PEX14: variants seen among roughly 807,000 people sequenced by gnomAD.
The protein encoded by PEX14 is peroxisomal biogenesis factor 14, also known as peroxisomal membrane protein PEX14.
In PEX14, 15 loss-of-function variants were observed where a neutral mutation model predicts 49.5. That is an observed-to-expected ratio of 0.30 (90% CI 0.20 to 0.47). PEX14 has a LOEUF of 0.47. Among genes scored for constraint, PEX14 ranks in the 20% least tolerant of loss-of-function variants. PEX14 has a pLI of 1.00. For synonymous variants in PEX14, 210 were observed against 212.7 expected (o/e 0.99, Z 0.11); for missense variants, 398 against 494.8 (o/e 0.80, Z 1.86).
At chr1:10,475,430 C>G (rs1409281331) in intron 1 of PEX14, among the ~76,000 whole-genome samples, 2 of 152,218 alleles carry the variant, frequency 1.3e-5, no homozygotes, top group South Asian at 2.1e-4. Context: ...CGGCCTCAGC[C>G]TCCTGGAGCG....
intron 2 of PEX14, among the ~76,000 whole-genome samples, chr1:10,502,209 A>G (rs1641694166): frequency 6.6e-6 from 1 of 152,184 alleles, no homozygotes; most frequent in Non-Finnish European, 1.5e-5. Flanking sequence ...ATCAGTGAAG[A>G]AAACGTTTTT....
intron 3 of PEX14, among the ~76,000 whole-genome samples, chr1:10,598,212 C>T (rs1640882140): frequency 6.6e-6 from 1 of 152,180 alleles, no homozygotes; most frequent in African/African-American, 2.4e-5. Flanking sequence ...TAACAGTGAC[C>T]TCCCACCTGC....
rs140289409 is a variant in PEX14 at position 10,500,723 on chromosome 1, C to T, written c.84+5402C>T. On this transcript the variant is annotated intron_variant, in intron 2 of 8. Transcript: ENST00000356607. ...CTGAGTATCTGGGACTATAGGCGTG[C>T]ACCACCACGGCCAGCTAATTTTTGT... Among the ~76,000 whole-genome samples, 1,175 of 152,230 alleles carry T rather than the reference C, an allele frequency of 7.7e-3. 15 individuals are homozygous for T. The highest frequency in any genetic ancestry group is 0.027 in the African/African-American group (1,118 of 41,532).
Position 10,495,930 on chromosome 1 carries a change from C to G in PEX14, c.84+609C>G, listed in dbSNP as rs1379030837. Among the ~76,000 whole-genome samples, 6 of 152,182 alleles carry G rather than the reference C, an allele frequency of 3.9e-5. No individual in the cohort carries two copies. Among genetic ancestry groups the G allele is most frequent in the Non-Finnish European group, 8.8e-5 (6 of 68,040 alleles). ...CTTTTCAGGGCCTGCTGTAAGTCCT[C>G]TTGGCTGGGTAGTAAGACTGGCTCT... is the stretch of plus-strand genomic sequence containing the variant. On this transcript the variant is annotated intron_variant, in intron 2 of 8. Coordinates refer to ENST00000356607, the MANE Select transcript of PEX14 (RefSeq NM_004565.3). This position sits in a 1 kb window ranked among gnomAD's most constrained non-coding sequence, Gnocchi z 4.2.
intron 3 of PEX14, among the ~76,000 whole-genome samples, chr1:10,569,469 C>T (rs1438280941): frequency 6.6e-6 from 1 of 152,216 alleles, no homozygotes; most frequent in Non-Finnish European, 1.5e-5. Context: ...CTGGACTGCG[C>T]TCTCTAGACC....
chr1:10,480,560 A>AT (rs920632960), intron 1 of PEX14, among the ~76,000 whole-genome samples: 10 of 151,356 alleles, frequency 6.6e-5, no homozygotes, highest in African/African-American at 2.4e-4. Context: ...TGCCCAGCTA[A>AT]TTTTTTTGTA....
At chr1:10,521,218 T>C (rs995386445) in intron 2 of PEX14, among the ~76,000 whole-genome samples, 1 of 152,084 alleles carries the variant, frequency 6.6e-6, no homozygotes, top group African/African-American at 2.4e-5. Context: ...CTCCCTTTTA[T>C]ACTTTCTCCC....
intron 7 of PEX14, among the ~76,000 whole-genome samples, chr1:10,625,717 G>C (rs1641725877): frequency 6.6e-6 from 1 of 152,216 alleles, no homozygotes; most frequent in South Asian, 2.1e-4. Flanking sequence ...TCATCTTTTG[G>C]ATCCATGCTC....
At chr1:10,588,464 C>G (rs909712355) in intron 3 of PEX14, among the ~76,000 whole-genome samples, 5 of 152,200 alleles carry the variant, frequency 3.3e-5, no homozygotes, top group African/African-American at 4.8e-5. Context: ...ATCCATAGTT[C>G]TGCCTCTTAT....
At chr1:10,586,350 C>G (rs1640486081) in intron 3 of PEX14, among the ~76,000 whole-genome samples, 1 of 152,194 alleles carries the variant, frequency 6.6e-6, no homozygotes, top group Non-Finnish European at 1.5e-5. Context: ...TAGAGCTCTT[C>G]TACTCTGCTG....
chr1:10,611,816 C>T (rs1354043899), intron 4 of PEX14, among the ~76,000 whole-genome samples: 7 of 152,132 alleles, frequency 4.6e-5, no homozygotes, highest in African/African-American at 1.7e-4. Flanking sequence ...AATCTTATGC[C>T]CATTTTAAAA....
In PEX14 at chr1:10,514,547, C is replaced by T. The variant is rs143383335; in HGVS notation, c.84+19226C>T. Among the ~76,000 whole-genome samples the T allele has an allele frequency of 2.9e-3, 437 of 152,184 alleles. 2 individuals carry two copies. Among genetic ancestry groups the T allele is most frequent in the Non-Finnish European group, 4.6e-3 (313 of 68,010 alleles). ...TCACACAGGAACTTTGGGCCTAAGACGCAACTCAAGGGAAAGCCATTGGGG... is the reference window on the plus strand; with the variant it reads ...TCACACAGGAACTTTGGGCCTAAGATGCAACTCAAGGGAAAGCCATTGGGG... On this transcript the variant is annotated intron_variant, in intron 2 of 8. Coordinates refer to ENST00000356607, the MANE Select transcript of PEX14 (RefSeq NM_004565.3). This position sits in a 1 kb window ranked among gnomAD's most constrained non-coding sequence, Gnocchi z 4.4.
rs537998675 is a variant in PEX14, at chr1:10,475,128, C to T, written c.36+126C>T. 8.1e-6 allele frequency: 7 copies of T among 867,150 alleles called. No homozygotes were observed. In the South Asian group the frequency reaches 1.0e-4, roughly 12 times the overall value. 53.7% of individuals were successfully genotyped at this position (867,150 alleles called of 1,614,324 possible). A position where few individuals can be genotyped will look rare whatever the true frequency, so the allele number is the denominator to read the frequency against. On this transcript the variant is annotated intron_variant, in intron 1 of 8. Transcript: ENST00000356607. ...GCTGGGGACCCCGACCTCTTGCCCC[C>T]TCCTGAGCCCCGCCCCTCCCCAGGT...
chr1:10,506,302 G>A (rs1466642757), intron 2 of PEX14, among the ~76,000 whole-genome samples: 2 of 152,144 alleles, frequency 1.3e-5, no homozygotes, highest in Admixed American at 6.5e-5. Context: ...TTGAGATGGA[G>A]TTTCGCTCTT....
intron 3 of PEX14, among the ~76,000 whole-genome samples, chr1:10,585,079 C>T (rs978379405): frequency 3.3e-5 from 5 of 152,240 alleles, no homozygotes; most frequent in East Asian, 1.9e-4. Context: ...GGCGTTGGTT[C>T]GCAAGTGTTT....
At chr1:10,477,156 C>T (rs778374200) in intron 1 of PEX14, among the ~76,000 whole-genome samples, 12 of 151,732 alleles carry the variant, frequency 7.9e-5, no homozygotes, top group Non-Finnish European at 1.3e-4. Context: ...CTGCAACCTC[C>T]GCCTCCTGGG....
chr1:10,528,021 TG>T (rs1161740802), intron 2 of PEX14, among the ~76,000 whole-genome samples: 1 of 152,168 alleles, frequency 6.6e-6, no homozygotes, highest in East Asian at 1.9e-4. Flanking sequence ...GTGCAGAGTG[TG>T]GGTTGATGGT....
At chr1:10,600,658 C>T (rs988695913) in intron 4 of PEX14, among the ~76,000 whole-genome samples, 4 of 151,726 alleles carry the variant, frequency 2.6e-5, no homozygotes, top group Non-Finnish European at 5.9e-5. Flanking sequence ...GTGGAAGTTG[C>T]AGTGAGCCGA....
rs542377092 is a variant in PEX14 at position 10,485,828 on chromosome 1, G to A, written c.37-9446G>A. Among the ~76,000 whole-genome samples the A allele has an allele frequency of 2.3e-4, 35 of 149,404 alleles. 3 individuals are homozygous for A. Among genetic ancestry groups the A allele is most frequent in the Admixed American group, 6.0e-4 (9 of 15,012 alleles). Reference sequence around the variant, plus strand: ...TGGAGTGCAGTGGCGTGATCTTGGCGCACTGCAACCCCCGCCTCCTGGGTT... The same window carrying A: ...TGGAGTGCAGTGGCGTGATCTTGGCACACTGCAACCCCCGCCTCCTGGGTT... On this transcript the variant is annotated intron_variant, in intron 1 of 8. Coordinates refer to ENST00000356607, the MANE Select transcript of PEX14 (RefSeq NM_004565.3).
Sources: allele counts gnomAD v4.1 joint callset (sites outside exome capture counted in the v4.1 genomes callset), GRCh38; gene constraint gnomAD v4.1.1; non-coding constraint Gnocchi (gnomAD v3.1); transcripts MANE v1.5; gene names NCBI Gene and HGNC (gene_info 2026-07-23, HGNC 2026-07-21).